Variants in CADM2 observed in about 807,000 individuals in gnomAD.
The protein encoded by CADM2 is cell adhesion molecule 2.
In CADM2, 12 loss-of-function variants were observed where a neutral mutation model predicts 49.8. The ratio of observed to expected loss-of-function variants is 0.24; its 90% CI spans 0.15 to 0.39. The LOEUF (loss-of-function observed/expected upper bound fraction) is 0.39, where lower values mean the gene tolerates loss of function less well. Among genes scored for constraint, CADM2 ranks in the 10% least tolerant of loss-of-function variants. The pLI, the probability that CADM2 is intolerant of heterozygous loss-of-function variation, is 1.00. For missense variants in CADM2, 378 were observed against 492.3 expected (o/e 0.77, Z 2.20); for synonymous variants, 214 against 175.4 (o/e 1.22, Z -1.74).
chr3:85,663,275 A>G (rs1471467464), intron 1 of CADM2, among the ~76,000 whole-genome samples: 1 of 152,074 alleles, frequency 6.6e-6, no homozygotes, highest in Non-Finnish European at 1.5e-5. Flanking sequence ...GAAAATTAAC[A>G]CACAGGCTTG....
intron 3 of CADM2, among the ~76,000 whole-genome samples, chr3:85,813,214 G>T (rs2072994583): frequency 6.6e-6 from 1 of 152,082 alleles, no homozygotes; most frequent in Non-Finnish European, 1.5e-5. Flanking sequence ...AGCATCTGTT[G>T]TTTTCTGACT....
intron 1 of CADM2, among the ~76,000 whole-genome samples, chr3:85,037,126 C>T (rs1020546182): frequency 7.9e-5 from 12 of 151,854 alleles, no homozygotes; most frequent in African/African-American, 1.2e-4. Context: ...GCTAAGATTG[C>T]GCCATGCACT....
intron 1 of CADM2, among the ~76,000 whole-genome samples, chr3:85,088,950 A>G (rs891625279): frequency 6.6e-6 from 1 of 152,100 alleles, no homozygotes; most frequent in Admixed American, 6.6e-5. Flanking sequence ...TGTGTTTAGT[A>G]GGCACGGGAA....
intron 3 of CADM2, among the ~76,000 whole-genome samples, chr3:85,843,246 G>C (rs1440896824): frequency 6.6e-6 from 1 of 152,064 alleles, no homozygotes; most frequent in African/African-American, 2.4e-5. Context: ...ATTTCATTTA[G>C]ATAATATTTT....
intron 1 of CADM2, among the ~76,000 whole-genome samples, chr3:85,095,846 C>T (rs1020342787): frequency 2.6e-5 from 4 of 152,138 alleles, no homozygotes; most frequent in Non-Finnish European, 4.4e-5. Context: ...AGGCAAGTGG[C>T]GGACATTAAC....
At chr3:85,465,230 A>T (rs73843625) in intron 1 of CADM2, among the ~76,000 whole-genome samples, 1,738 of 152,312 alleles carry the variant, frequency 0.011, 37 homozygotes, top group African/African-American at 0.039. Flanking sequence ...TCATAAGGCA[A>T]TATTAACAAG....
chr3:86,043,717 T>G (rs759140328), intron 8 of CADM2, among the ~76,000 whole-genome samples: 14 of 152,066 alleles, frequency 9.2e-5, no homozygotes, highest in South Asian at 2.1e-4. Context: ...CTACTTTAAA[T>G]TTCATATGGA....
intron 8 of CADM2, among the ~76,000 whole-genome samples, chr3:85,965,478 T>C (rs1185217789): frequency 6.6e-6 from 1 of 151,482 alleles, no homozygotes; most frequent in Non-Finnish European, 1.5e-5. Flanking sequence ...TCCAAGGGTC[T>C]GGTAAGAAAC....
At chr3:85,880,924 A>C (rs116917816) in intron 3 of CADM2, among the ~76,000 whole-genome samples, 2,084 of 152,076 alleles carry the variant, frequency 0.014, 103 homozygotes, top group East Asian at 0.11. Flanking sequence ...TATCTTCCTG[A>C]CTTTTGCCAA....
chr3:85,259,235 T>A (rs2042959050), intron 1 of CADM2, among the ~76,000 whole-genome samples: 1 of 152,168 alleles, frequency 6.6e-6, no homozygotes, highest in Non-Finnish European at 1.5e-5. Flanking sequence ...GACAGTGATG[T>A]AGGTGGATAT....
chr3:85,283,456 A>G (rs772671653), intron 1 of CADM2, among the ~76,000 whole-genome samples: 3 of 151,910 alleles, frequency 2.0e-5, no homozygotes, highest in Non-Finnish European at 4.4e-5. Flanking sequence ...ATACATGTGC[A>G]CTGAAAAATA....
intron 1 of CADM2, among the ~76,000 whole-genome samples, chr3:85,551,469 C>T (rs2061801057): frequency 6.6e-6 from 1 of 152,010 alleles, no homozygotes; most frequent in African/African-American, 2.4e-5. Context: ...CCTAAGTAGC[C>T]TTTGATCATA....
intron 1 of CADM2, among the ~76,000 whole-genome samples, chr3:85,665,287 A>C (rs930341021): frequency 6.6e-6 from 1 of 152,014 alleles, no homozygotes; most frequent in South Asian, 2.1e-4. Context: ...TATTTATGTA[A>C]GACGAATTTA....
chr3:85,282,342 A>G (rs1451677537), intron 1 of CADM2, among the ~76,000 whole-genome samples: 1 of 143,476 alleles, frequency 7.0e-6, no homozygotes, highest in Admixed American at 7.0e-5. Context: ...GCTCATGGCA[A>G]CCTCCACCTC....
At chr3:86,047,412 A>G (rs567741795) in intron 8 of CADM2, among the ~76,000 whole-genome samples, 35 of 152,276 alleles carry the variant, frequency 2.3e-4, no homozygotes, top group East Asian at 1.9e-4. Context: ...TGAAATACAC[A>G]TGGTAATTAC....
intron 1 of CADM2, among the ~76,000 whole-genome samples, chr3:85,195,590 C>A (rs2041324842): frequency 6.6e-6 from 1 of 150,672 alleles, no homozygotes; most frequent in Admixed American, 6.6e-5. Flanking sequence ...GTAATTGATT[C>A]AAAAAATGTC....
intron 1 of CADM2, among the ~76,000 whole-genome samples, chr3:85,127,130 T>A (rs72905295): frequency 0.057 from 8,749 of 152,180 alleles, 843 homozygotes; most frequent in African/African-American, 0.2. Context: ...ATATCAATAT[T>A]GACATTCAGC....
intron 8 of CADM2, among the ~76,000 whole-genome samples, chr3:85,983,154 A>T (rs1347637048): frequency 1.3e-5 from 2 of 151,780 alleles, no homozygotes; most frequent in Non-Finnish European, 2.9e-5. Flanking sequence ...TTAAAAATCA[A>T]GATGAAATGG....
intron 1 of CADM2, among the ~76,000 whole-genome samples, chr3:85,371,927 A>T (rs2107321460): frequency 6.6e-6 from 1 of 151,688 alleles, no homozygotes; most frequent in East Asian, 1.9e-4. Flanking sequence ...GTAAAAACTT[A>T]GACTTGGTAG....
Sources: gnomAD v4.1 joint callset for allele counts (sites outside exome capture counted in the v4.1 genomes callset) on GRCh38, gnomAD v4.1.1 for gene constraint, MANE v1.5 for transcripts, NCBI Gene and HGNC (gene_info 2026-07-23, HGNC 2026-07-21) for gene names.